The following TTC7B variants were observed in gnomAD, a reference collection of about 807,000 sequenced individuals.
The protein encoded by TTC7B is tetratricopeptide repeat domain 7B.
Under a neutral mutation model 106.8 loss-of-function variants are expected in TTC7B, and 28 were observed. The observed-to-expected ratio is 0.26, with a 90% CI of 0.19 to 0.36. The LOEUF (loss-of-function observed/expected upper bound fraction) is 0.36. Ranked by LOEUF, TTC7B falls within the 10% of genes least tolerant of loss-of-function variation. The pLI, the probability that TTC7B is intolerant of heterozygous loss-of-function variation, is 1.00. For missense variants in TTC7B, 862 were observed against 1,076.4 expected, an observed-to-expected ratio of 0.80 and a Z score of 2.79; for synonymous variants, 405 against 430.6, an observed-to-expected ratio of 0.94 and a Z score of 0.74.
At chr14:90,806,871 C>T (rs2030639321) in intron 1 of TTC7B, among the ~76,000 whole-genome samples, 1 of 151,844 alleles carries the variant, frequency 6.6e-6, no homozygotes, top group African/African-American at 2.4e-5. Flanking sequence ...CACACCACTG[C>T]ACTCCAGCCT....
intron 13 of TTC7B, among the ~76,000 whole-genome samples, chr14:90,647,842 T>A (rs1240185309): frequency 1.3e-5 from 2 of 152,172 alleles, no homozygotes; most frequent in Non-Finnish European, 2.9e-5. Flanking sequence ...CTACTTTCTT[T>A]AAAAGGCACC....
intron 16 of TTC7B, among the ~76,000 whole-genome samples, chr14:90,615,738 A>G (rs1366595845): frequency 6.6e-6 from 1 of 152,236 alleles, no homozygotes. Context: ...GATAAGGGCT[A>G]CAGGAGAAAC....
intron 19 of TTC7B, among the ~76,000 whole-genome samples, chr14:90,552,885 C>T (rs958384101): frequency 1.1e-4 from 17 of 152,246 alleles, no homozygotes; most frequent in African/African-American, 4.1e-4. Context: ...GTGGCTGCTT[C>T]CTCACTCCCT....
rs1244636514 is a variant in TTC7B, at chr14:90,657,214, G to A, written c.1301C>T (p.Pro434Leu). ...IRLKPDDATIPLLAAKLCMGS... is the reference protein window; with the variant it reads ...IRLKPDDATILLLAAKLCMGS... Reference sequence around the variant, plus strand: ...CATGCAGAGCTTGGCAGCGAGGAGAGGGATGGTGGCATCGTCTGGCTTCAG... The same window carrying A: ...CATGCAGAGCTTGGCAGCGAGGAGAAGGATGGTGGCATCGTCTGGCTTCAG... The change falls in exon 11 of 20, where the codon CCT becomes CTT. Residue 434 changes from proline to leucine, a missense_variant. Pro to Leu is a moderately conservative substitution (Grantham distance 98). Transcript: ENST00000328459. This position sits in a 1 kb window ranked among gnomAD's most constrained non-coding sequence, Gnocchi z 4.2. 6.2e-7 allele frequency: 1 copy of A among 1,614,134 alleles called. No homozygotes were observed. The highest frequency in any genetic ancestry group is 8.5e-7 in the Non-Finnish European group (1 of 1,180,028).
At chr14:90,710,694 C>T (rs1009460698) in intron 5 of TTC7B, among the ~76,000 whole-genome samples, 1 of 152,178 alleles carries the variant, frequency 6.6e-6, no homozygotes, top group African/African-American at 2.4e-5. Flanking sequence ...AACCCTCTAC[C>T]AGCAAAAAGA....
rs917721706 is a variant in TTC7B at position 90,624,120 on chromosome 14, G to A, written c.1752-6075C>T. Reference sequence around the variant, plus strand: ...TGTGCATGTGTGTGTGCGCGTGCGCGTGTGTGTGTTTTGTGACTTGTCTTT... The same window carrying A: ...TGTGCATGTGTGTGTGCGCGTGCGCATGTGTGTGTTTTGTGACTTGTCTTT... On this transcript the variant is annotated intron_variant, in intron 15 of 19. Transcript: ENST00000328459. The surrounding 1 kb of genome is among the most constrained non-coding windows in gnomAD (Gnocchi z 4.0). Among the ~76,000 whole-genome samples the A allele has an allele frequency of 5.3e-5, 8 of 152,160 alleles. No individual in the cohort carries two copies. Among genetic ancestry groups the A allele is most frequent in the South Asian group, 2.1e-4 (1 of 4,786 alleles).
At chr14:90,693,378 T>C (rs1307216006) in intron 6 of TTC7B, among the ~76,000 whole-genome samples, 1 of 152,038 alleles carries the variant, frequency 6.6e-6, no homozygotes, top group Non-Finnish European at 1.5e-5. Flanking sequence ...AACCAACCAG[T>C]TAATTTAACT....
At chr14:90,688,818 A>C (rs1873382385) in intron 7 of TTC7B, among the ~76,000 whole-genome samples, 1 of 151,860 alleles carries the variant, frequency 6.6e-6, no homozygotes, top group African/African-American at 2.4e-5. Flanking sequence ...AAAAATAAAA[A>C]AAATTTAAAA....
At chr14:90,681,069 A>C (rs893258730) in intron 7 of TTC7B, among the ~76,000 whole-genome samples, 1 of 152,240 alleles carries the variant, frequency 6.6e-6, no homozygotes, top group Non-Finnish European at 1.5e-5. Context: ...GGTAGCATGC[A>C]AGAGCTCTTA....
At position 90,773,396 on chromosome 14, in the gene TTC7B, C is replaced by A. The variant is rs777708955; in HGVS notation, c.445+7342G>T. 1.4e-4 allele frequency among the ~76,000 whole-genome samples: 22 copies of A among 152,202 alleles called. 1 individual carries two copies. Among genetic ancestry groups the A allele is most frequent in the Non-Finnish European group, 3.1e-4 (21 of 68,038 alleles). ...CAATGAGTGATTATGCTCCCACTGA[C>A]AGGCAGCTCAGTAAAGTGGAAAGAG... On this transcript the variant is annotated intron_variant, in intron 3 of 19. Transcript: ENST00000328459.
At chr14:90,544,678 C>G (rs760218952) in intron 19 of TTC7B, among the ~76,000 whole-genome samples, 1 of 152,180 alleles carries the variant, frequency 6.6e-6, no homozygotes, top group East Asian at 1.9e-4. Flanking sequence ...TGTGCTCACC[C>G]GAGAACGTTC....
At chr14:90,745,962 C>A (rs1314652138) in intron 3 of TTC7B, among the ~76,000 whole-genome samples, 1 of 149,428 alleles carries the variant, frequency 6.7e-6, no homozygotes, top group Non-Finnish European at 1.5e-5. Context: ...CTCAGCCTCC[C>A]AAAGTGCCGG....
At chr14:90,646,368 G>C (rs969599110) in intron 14 of TTC7B, among the ~76,000 whole-genome samples, 6 of 152,246 alleles carry the variant, frequency 3.9e-5, no homozygotes, top group East Asian at 1.9e-4. Flanking sequence ...GCATCTAAAA[G>C]CTGCCTTTGG....
At chr14:90,780,138 T>G (rs1263950146) in intron 3 of TTC7B, among the ~76,000 whole-genome samples, 1 of 152,102 alleles carries the variant, frequency 6.6e-6, no homozygotes, top group Non-Finnish European at 1.5e-5. Flanking sequence ...TCCCAGCACT[T>G]TGGGAGGCTG....
chr14:90,773,827 A>G (rs1347538498), intron 3 of TTC7B, among the ~76,000 whole-genome samples: 1 of 152,054 alleles, frequency 6.6e-6, no homozygotes, highest in Non-Finnish European at 1.5e-5. Flanking sequence ...CTCTTCCCCC[A>G]AAAAGCCCCA....
In TTC7B at chr14:90,608,601, A is replaced by AG. The variant is rs1311977439; in HGVS notation, c.1966+2140dup. Among the ~76,000 whole-genome samples the AG allele has an allele frequency of 1.3e-5, 2 of 151,982 alleles. No individual in the cohort carries two copies. The highest frequency in any genetic ancestry group is 6.6e-5 in the Admixed American group (1 of 15,260). ...TGGCTGCATCAGTACCACTAAGCAGAGGGGGAGGAGGAAGACCCGGGGGCC... is the reference window on the plus strand; with the variant it reads ...TGGCTGCATCAGTACCACTAAGCAGAGGGGGGAGGAGGAAGACCCGGGGGCC... On this transcript the variant is annotated intron_variant, in intron 17 of 19. Coordinates refer to ENST00000328459, the MANE Select transcript of TTC7B (RefSeq NM_001010854.2). This position sits in a 1 kb window ranked among gnomAD's most constrained non-coding sequence, Gnocchi z 5.1.
chr14:90,787,589 T>G (rs1891435710), intron 1 of TTC7B, among the ~76,000 whole-genome samples: 2 of 152,140 alleles, frequency 1.3e-5, no homozygotes, highest in African/African-American at 4.8e-5. Flanking sequence ...ATATGCAATC[T>G]AAAATTAATT....
At chr14:90,749,113 C>A (rs188202403) in intron 3 of TTC7B, among the ~76,000 whole-genome samples, 41 of 152,266 alleles carry the variant, frequency 2.7e-4, no homozygotes, top group African/African-American at 9.9e-4. Flanking sequence ...ATCACCCTTA[C>A]GTTTGTTCAT....
In TTC7B at chr14:90,575,032, GC is replaced by G. The variant is rs967266762; in HGVS notation, c.2310+3073del. On this transcript the variant is annotated intron_variant, in intron 19 of 19. Coordinates refer to ENST00000328459, the MANE Select transcript of TTC7B (RefSeq NM_001010854.2). This position sits in a 1 kb window ranked among gnomAD's most constrained non-coding sequence, Gnocchi z 5.2. ...CCTCGCCGCTCTCCCTGTGTGCCAG[GC>G]AACTGTCAACGCTCAGCTCTGTTTC... Among the ~76,000 whole-genome samples the G allele has an allele frequency of 5.3e-5, 8 of 152,208 alleles. No homozygotes were observed. The highest frequency in any genetic ancestry group is 1.9e-4 in the African/African-American group (8 of 41,528).
Sources: gnomAD v4.1 joint callset for allele counts (sites outside exome capture counted in the v4.1 genomes callset) on GRCh38, gnomAD v4.1.1 for gene constraint, Gnocchi (gnomAD v3.1) non-coding constraint, MANE v1.5 for transcripts, NCBI Gene and HGNC (gene_info 2026-07-23, HGNC 2026-07-21) for gene names.